Variants in DNAH14 observed in about 807,000 individuals in gnomAD.
The protein encoded by DNAH14 is axonemal beta dynein heavy chain 14.
DNAH14 carries 478 observed loss-of-function variants against 520.9 expected under a neutral mutation model. The observed-to-expected ratio is 0.92, with a 90% CI of 0.85 to 0.99. The LOEUF (loss-of-function observed/expected upper bound fraction) is 0.99, where lower values mean the gene tolerates loss of function less well. Among genes scored for constraint, DNAH14 ranks in the 50% least tolerant of loss-of-function variants. The pLI, the probability that DNAH14 is intolerant of heterozygous loss-of-function variation, is 0.00. For synonymous variants in DNAH14, 1,581 were observed against 1,757.2 expected (o/e 0.90, Z 2.51); for missense variants, 4,831 against 5,234.5 (o/e 0.92, Z 2.38).
chr1:225,069,705 G>A, intron 17 of DNAH14, among the ~76,000 whole-genome samples: 1 of 152,152 alleles, frequency 6.6e-6, no homozygotes, highest in East Asian at 1.9e-4. Flanking sequence ...TTTGGTATCA[G>A]GATGATGCTG....
intron 46 of DNAH14, among the ~76,000 whole-genome samples, chr1:225,262,643 C>A (rs547631185): frequency 4.7e-4 from 71 of 152,070 alleles, no homozygotes; most frequent in African/African-American, 1.6e-3. Context: ...TGTCGAAGAT[C>A]AGTTGGTTGT....
At position 225,119,280 on chromosome 1, in the gene DNAH14, C is replaced by A. The variant is rs150618371; in HGVS notation, c.4152C>A (p.Phe1384Leu). Reference sequence around the variant, plus strand: ...TGGTAAATGTAGAAAAAAGCATGTTCGATGTGCTAAAAAAGTAAGTACAAT... The same window carrying A: ...TGGTAAATGTAGAAAAAAGCATGTTAGATGTGCTAAAAAAGTAAGTACAAT... ...QWLVNVEKSMFDVLKKFLSQG... is the reference protein window; with the variant it reads ...QWLVNVEKSMLDVLKKFLSQG... The change falls in exon 26 of 86, where the codon TTC (phenylalanine) becomes TTA (leucine). Residue 1384 changes from phenylalanine (F) to leucine (L), a missense_variant. Physicochemically the swap from Phe to Leu is conservative, Grantham distance 22. Transcript: ENST00000682510. 4.5e-5 allele frequency: 68 copies of A among 1,519,486 alleles called. No individual in the cohort carries two copies. Among genetic ancestry groups the A allele is most frequent in the Non-Finnish European group, 5.7e-5 (64 of 1,131,428 alleles). 94.1% of individuals were successfully genotyped at this position (1,519,486 alleles called of 1,614,324 possible). A position where few individuals can be genotyped will look rare whatever the true frequency, so the allele number is the denominator to read the frequency against.
intron 64 of DNAH14, among the ~76,000 whole-genome samples, chr1:225,330,837 C>T (rs1305029785): frequency 1.3e-5 from 2 of 152,052 alleles, no homozygotes; most frequent in Non-Finnish European, 1.5e-5. Context: ...GATAAATGCT[C>T]GAGAGGATGG....
chr1:224,982,938 T>A (rs2062376478), intron 8 of DNAH14, among the ~76,000 whole-genome samples: 1 of 152,216 alleles, frequency 6.6e-6, no homozygotes. Flanking sequence ...AGTTGTTGAA[T>A]GAAATATTCT....
intron 1 of DNAH14, among the ~76,000 whole-genome samples, chr1:224,939,540 T>G (rs879645507): frequency 3.3e-5 from 5 of 151,954 alleles, no homozygotes; most frequent in Non-Finnish European, 2.9e-5. Flanking sequence ...AAAAATTAGC[T>G]GGGTGTGGTG....
At chr1:225,356,735 T>C (rs1219495148) in intron 73 of DNAH14, among the ~76,000 whole-genome samples, 2 of 152,196 alleles carry the variant, frequency 1.3e-5, no homozygotes, top group Non-Finnish European at 2.9e-5. Context: ...ACAACGTATC[T>C]AGGGAGTAAG....
At chr1:225,293,660 T>G (rs2093942477) in intron 55 of DNAH14, among the ~76,000 whole-genome samples, 1 of 152,080 alleles carries the variant, frequency 6.6e-6, no homozygotes, top group South Asian at 2.1e-4. Flanking sequence ...CTGGGGCCTT[T>G]CAGAGTGTGA....
At chr1:225,389,290 G>T (rs2095876241) in intron 82 of DNAH14, among the ~76,000 whole-genome samples, 1 of 152,172 alleles carries the variant, frequency 6.6e-6, no homozygotes, top group Non-Finnish European at 1.5e-5. Context: ...AGTGCCCAAG[G>T]CTTCACAACT....
chr1:224,986,715 G>T (rs2062671062), intron 8 of DNAH14, among the ~76,000 whole-genome samples: 1 of 152,140 alleles, frequency 6.6e-6, no homozygotes, highest in Admixed American at 6.5e-5. Context: ...TTCACAGCTA[G>T]CATTGTTGTA....
chr1:225,292,621 C>A (rs1171081529), intron 55 of DNAH14, among the ~76,000 whole-genome samples: 3 of 151,938 alleles, frequency 2.0e-5, no homozygotes, highest in Non-Finnish European at 4.4e-5. Flanking sequence ...GAATTTTTTT[C>A]TATTTCTGTG....
chr1:225,384,635 G>T (rs1290713422), intron 81 of DNAH14, among the ~76,000 whole-genome samples: 1 of 152,136 alleles, frequency 6.6e-6, no homozygotes, highest in Non-Finnish European at 1.5e-5. Flanking sequence ...TAGAAGAAAT[G>T]GATAAATTCC....
chr1:225,374,254 A>ATATTTGTC, intron 77 of DNAH14, among the ~76,000 whole-genome samples: 2 of 20,990 alleles, frequency 9.5e-5, no homozygotes, highest in South Asian at 2.7e-3. Flanking sequence ...TTGTCTATAT[A>ATATTTGTC]TATATATATA....
At chr1:225,144,686 T>A in intron 29 of DNAH14, 58 bp downstream of exon 29, 1 of 1,361,306 alleles carries the variant, frequency 7.3e-7, no homozygotes. Flanking sequence ...ACACAAACTT[T>A]GATGTTATCT....
intron 27 of DNAH14, among the ~76,000 whole-genome samples, chr1:225,133,874 A>G (rs768892727): frequency 3.9e-5 from 6 of 152,050 alleles, no homozygotes; most frequent in African/African-American, 1.4e-4. Flanking sequence ...ATGTTTCTCC[A>G]TTTGTTTGTA....
At chr1:225,249,079 A>G (rs1283826126) in intron 43 of DNAH14, among the ~76,000 whole-genome samples, 2 of 152,184 alleles carry the variant, frequency 1.3e-5, no homozygotes, top group African/African-American at 4.8e-5. Flanking sequence ...ATGGCATAAG[A>G]AGCCAAATGA....
chr1:225,049,743 GGTTT>G (rs530761306), intron 15 of DNAH14, among the ~76,000 whole-genome samples: 384 of 150,618 alleles, frequency 2.5e-3, no homozygotes, highest in African/African-American at 8.7e-3. Flanking sequence ...TCTAGGTTGA[GGTTT>G]GTTTATCTAT....
chr1:225,225,222 C>T (rs762257137), intron 41 of DNAH14, among the ~76,000 whole-genome samples: 9 of 152,176 alleles, frequency 5.9e-5, no homozygotes, highest in South Asian at 2.1e-4. Flanking sequence ...GGTGTTAACC[C>T]TAGAGGACTA....
chr1:225,394,842 TAA>T (rs35980785), intron 84 of DNAH14, among the ~76,000 whole-genome samples: 40 of 126,580 alleles, frequency 3.2e-4, no homozygotes, highest in Admixed American at 4.8e-4. Context: ...AGACTCTGTC[TAA>T]AAAAAAAAAA....
At chr1:225,224,602 A>G (rs2090364890) in intron 41 of DNAH14, among the ~76,000 whole-genome samples, 1 of 152,214 alleles carries the variant, frequency 6.6e-6, no homozygotes, top group Non-Finnish European at 1.5e-5. Context: ...TATGCAGGCC[A>G]TATAAAACAT....
Sources: allele counts gnomAD v4.1 joint callset (sites outside exome capture counted in the v4.1 genomes callset), GRCh38; gene constraint gnomAD v4.1.1; transcripts MANE v1.5; gene names NCBI Gene and HGNC (gene_info 2026-07-23, HGNC 2026-07-21).